COL4A2: variants seen among roughly 807,000 people sequenced by gnomAD.
COL4A2 encodes collagen type IV alpha 2 chain.
Under a neutral mutation model 200.2 loss-of-function variants are expected in COL4A2, and 99 were observed. The ratio of observed to expected loss-of-function variants is 0.49; its 90% CI spans 0.42 to 0.58. The LOEUF (loss-of-function observed/expected upper bound fraction) is 0.58. Among genes scored for constraint, COL4A2 ranks in the 20% least tolerant of loss-of-function variants. The pLI, the probability that COL4A2 is intolerant of heterozygous loss-of-function variation, is 0.00. For missense variants in COL4A2, 1,950 were observed against 2,314.1 expected, an observed-to-expected ratio of 0.84 and a Z score of 3.23; for synonymous variants, 897 against 900.6, an observed-to-expected ratio of 1.00 and a Z score of 0.07.
At chr13:110,459,011 C>T in intron 22 of COL4A2, 77 bp downstream of exon 22, 1 of 1,368,504 alleles carries the variant, frequency 7.3e-7, no homozygotes, top group Non-Finnish European at 9.7e-7. Context: ...CCTTTTATCT[C>T]CTAAGTTTAC....
chr13:110,400,285 A>T (rs527764327), intron 4 of COL4A2, among the ~76,000 whole-genome samples: 1 of 152,368 alleles, frequency 6.6e-6, no homozygotes, highest in South Asian at 2.1e-4. Flanking sequence ...TCTTAAGCAG[A>T]TGAGAAATTT....
intron 4 of COL4A2, among the ~76,000 whole-genome samples, chr13:110,381,165 A>ACGGGCTCTATCTCACATCCT (rs1366376884): frequency 2.0e-5 from 3 of 149,996 alleles, no homozygotes; most frequent in Non-Finnish European, 4.4e-5. Flanking sequence ...TCTCACATCC[A>ACGGGCTCTATCTCACATCCT]CGGGCTCTAT....
At chr13:110,461,331 A>G (rs945414063) in intron 22 of COL4A2, among the ~76,000 whole-genome samples, 2 of 152,228 alleles carry the variant, frequency 1.3e-5, no homozygotes, top group African/African-American at 4.8e-5. Flanking sequence ...AGTGCTTCTC[A>G]AAAGGCACCG....
At chr13:110,492,720 A>G (rs1336778695) in intron 38 of COL4A2, among the ~76,000 whole-genome samples, 1 of 152,216 alleles carries the variant, frequency 6.6e-6, no homozygotes, top group African/African-American at 2.4e-5. Context: ...AACATACAGC[A>G]GTGGCGAGGC....
intron 3 of COL4A2, among the ~76,000 whole-genome samples, chr13:110,340,017 G>A (rs954683732): frequency 3.9e-5 from 6 of 152,254 alleles, no homozygotes; most frequent in African/African-American, 1.4e-4. Flanking sequence ...TTGAATCCTT[G>A]AGGGTGGGTG....
chr13:110,506,478 G>C lies in COL4A2; in HGVS notation c.4466G>C (p.Gly1489Ala). Reference sequence around the variant, plus strand: ...ATGCCAGGCCGCAGCGTCAGCATCGGCTACCTCCTGGTGAAGCACAGCCAG... The same window carrying C: ...ATGCCAGGCCGCAGCGTCAGCATCGCCTACCTCCTGGTGAAGCACAGCCAG... The part of the protein sequence containing the change: ...PGMPGRSVSI[G>A]YLLVKHSQTD... The change falls in exon 46 of 48, where the codon GGC (glycine) becomes GCC (alanine). Residue 1489 changes from glycine (G) to alanine (A), a missense_variant. Gly to Ala is a moderately conservative substitution (Grantham distance 60). This residue lies in a region of COL4A2 where 1,385 missense variants were observed against 1,720.5 expected (regional missense o/e 0.80). Coordinates refer to ENST00000360467, the MANE Select transcript of COL4A2 (RefSeq NM_001846.4). 1 of 1,612,474 alleles carries C rather than the reference G, an allele frequency of 6.2e-7. No individual in the cohort carries two copies. Among genetic ancestry groups the C allele is most frequent in the African/African-American group, 1.3e-5 (1 of 75,040 alleles).
chr13:110,447,285 G>A (rs1220586387), intron 18 of COL4A2, among the ~76,000 whole-genome samples: 1 of 152,076 alleles, frequency 6.6e-6, no homozygotes, highest in Non-Finnish European at 1.5e-5. Flanking sequence ...TTGCCAGCCC[G>A]ACACCTGGAA....
chr13:110,488,719 A>T (rs1450110401), intron 34 of COL4A2, among the ~76,000 whole-genome samples: 3 of 152,168 alleles, frequency 2.0e-5, no homozygotes, highest in Non-Finnish European at 2.9e-5. Flanking sequence ...TTGGGAAGTA[A>T]CGGTGCCTGC....
At chr13:110,432,302 C>T (rs775980713) in intron 10 of COL4A2, 23 bp from the exon 11 acceptor site, 8 of 1,598,606 alleles carry the variant, frequency 5.0e-6, no homozygotes, top group South Asian at 4.6e-5. Context: ...AAACCATTTA[C>T]ACATTTCTTT....
intron 4 of COL4A2, among the ~76,000 whole-genome samples, chr13:110,378,484 G>A (rs1026910280): frequency 3.3e-5 from 5 of 152,154 alleles, no homozygotes; most frequent in African/African-American, 4.8e-5. Flanking sequence ...CCTTTCCTCC[G>A]GGTCCCTCGC....
chr13:110,467,684 T>A (rs1032365820), intron 27 of COL4A2, among the ~76,000 whole-genome samples: 1 of 152,176 alleles, frequency 6.6e-6, no homozygotes, highest in Non-Finnish European at 1.5e-5. Flanking sequence ...TGGCCACCAC[T>A]GCCGTCCCGC....
intron 20 of COL4A2, among the ~76,000 whole-genome samples, chr13:110,451,779 G>A (rs1041935021): frequency 2.0e-5 from 3 of 152,226 alleles, no homozygotes; most frequent in African/African-American, 7.2e-5. Context: ...ATTAGTGTTA[G>A]TGTATTTTAT....
At chr13:110,352,915 C>G (rs1404178563) in intron 3 of COL4A2, among the ~76,000 whole-genome samples, 2 of 152,122 alleles carry the variant, frequency 1.3e-5, no homozygotes, top group Non-Finnish European at 2.9e-5. Context: ...GCCCCACGAG[C>G]CTGGATCACG....
At chr13:110,484,252 A>G (rs1347853126) in intron 32 of COL4A2, among the ~76,000 whole-genome samples, 1 of 152,168 alleles carries the variant, frequency 6.6e-6, no homozygotes, top group East Asian at 1.9e-4. Context: ...TTTTGATCCC[A>G]TCAGCCTCTA....
intron 18 of COL4A2, among the ~76,000 whole-genome samples, chr13:110,449,047 G>A (rs534646299): frequency 1.6e-5 from 2 of 122,434 alleles, no homozygotes; most frequent in African/African-American, 5.8e-5. Context: ...TCAGTGTGAC[G>A]CCCAGCAAAG....
chr13:110,485,615 C>T (rs774616754), intron 33 of COL4A2, 40 bp from the exon 34 acceptor site: 17 of 1,511,872 alleles, frequency 1.1e-5, no homozygotes, highest in Middle Eastern at 1.8e-4. Flanking sequence ...GCGGGTGCTG[C>T]GTCCTCACCA....
At chr13:110,484,362 G>A (rs1883038379) in intron 32 of COL4A2, among the ~76,000 whole-genome samples, 1 of 152,108 alleles carries the variant, frequency 6.6e-6, no homozygotes, top group Non-Finnish European at 1.5e-5. Context: ...GGATTCCGGG[G>A]CATCCCCAGC....
At chr13:110,317,143 C>CAT (rs149775855) in intron 3 of COL4A2, among the ~76,000 whole-genome samples, 1 of 151,434 alleles carries the variant, frequency 6.6e-6, no homozygotes, top group Non-Finnish European at 1.5e-5. Flanking sequence ...CCCACACACA[C>CAT]ATACAGACAC....
At chr13:110,478,737 G>A (rs1024114200) in intron 30 of COL4A2, among the ~76,000 whole-genome samples, 2 of 152,272 alleles carry the variant, frequency 1.3e-5, no homozygotes, top group Non-Finnish European at 2.9e-5. Context: ...GAAACTGTCA[G>A]TGCTGGTTGG....
Sources: allele counts gnomAD v4.1 joint callset (sites outside exome capture counted in the v4.1 genomes callset), GRCh38; gene constraint gnomAD v4.1.1; regional missense constraint gnomAD v4.1.1; transcripts MANE v1.5; gene names NCBI Gene and HGNC (gene_info 2026-07-23, HGNC 2026-07-21).